The following VWA5B2 variants were observed in gnomAD, a reference collection of about 807,000 sequenced individuals.
VWA5B2 encodes von Willebrand factor A domain containing 5B2.
VWA5B2 carries 93 observed loss-of-function variants against 118.5 expected under a neutral mutation model. The ratio of observed to expected loss-of-function variants is 0.79; its 90% CI spans 0.66 to 0.93. The LOEUF (loss-of-function observed/expected upper bound fraction) is 0.93, where lower values mean the gene tolerates loss of function less well. Ranked by LOEUF, VWA5B2 falls within the 40% of genes least tolerant of loss-of-function variation. The pLI is 0.00. For missense variants in VWA5B2, 1,546 were observed against 1,672.8 expected (o/e 0.92, Z 1.32); for synonymous variants, 708 against 716.3 (o/e 0.99, Z 0.19).
At chr3:184,240,732 T>A in intron 16 of VWA5B2, 59 bp from the exon 17 acceptor site, 1 of 1,527,676 alleles carries the variant, frequency 6.5e-7, no homozygotes, top group Non-Finnish European at 8.8e-7. Flanking sequence ...ATTTTTTCTA[T>A]GAGCCCTCTG....
rs201206346 is a variant in VWA5B2 at position 184,239,797 on chromosome 3, C to A, written c.2501C>A (p.Pro834His). 9 of 1,547,050 alleles carry A rather than the reference C, an allele frequency of 5.8e-6. No homozygotes were observed. The highest frequency in any genetic ancestry group is 7.9e-6 in the Non-Finnish European group (9 of 1,143,722). Residue 834 changes from proline to histidine, a missense_variant, in exon 16 of 20, where the codon CCC becomes CAC. By Grantham distance (77) the Pro-to-His change is moderately conservative. Around this residue, in one of 3 missense-constraint regions of VWA5B2, gnomAD observed 763 missense variants for 766.6 expected, o/e 1.00. Transcript: ENST00000691901. The surrounding 1 kb of genome is among the most constrained non-coding windows in gnomAD (Gnocchi z 5.1). ...GAGTTGGCCCCTCCAGCAGTGCCTC[C>A]CCAGGCTCCACGCTGCCATGTGGTG... Reference protein sequence around the residue: ...SGELAPPAVPPQAPRCHVVIR... With the variant: ...SGELAPPAVPHQAPRCHVVIR...
In VWA5B2 at chr3:184,237,386, A is replaced by G. The variant is rs1200070382; in HGVS notation, c.1694A>G (p.Asp565Gly). Reference sequence around the variant, plus strand: ...GGTTACTGCTCACTCTTCAGGGTGGATGGCTTCCGGTCCCGCCCACCAGGG... The same window carrying G: ...GGTTACTGCTCACTCTTCAGGGTGGGTGGCTTCCGGTCCCGCCCACCAGGG... ...LLGYCSLFRV[D>G]GFRSRPPGGQ... Residue 565 changes from aspartate to glycine, a missense_variant, in exon 12 of 20, where the codon GAT becomes GGT. Coordinates refer to ENST00000691901, the MANE Select transcript of VWA5B2 (RefSeq NM_001390846.1). The surrounding 1 kb of genome is among the most constrained non-coding windows in gnomAD (Gnocchi z 5.6). 1 of 1,549,868 alleles carries G rather than the reference A, an allele frequency of 6.5e-7. No individual in the cohort carries two copies. Among genetic ancestry groups the G allele is most frequent in the Admixed American group, 2.0e-5 (1 of 50,964 alleles).
intron 9 of VWA5B2, 33 bp from the exon 10 acceptor site, chr3:184,236,310 C>CTGTA: frequency 6.4e-7 from 1 of 1,551,020 alleles, no homozygotes; most frequent in Non-Finnish European, 8.7e-7. Context: ...GGTTTCAGCC[C>CTGTA]AGTGCGTCCC....
In VWA5B2 at chr3:184,236,689, A is replaced by G; in HGVS notation, c.1473A>G (p.Leu491=). Residue 491 remains leucine, a synonymous_variant, in exon 11 of 20, where the codon TTA becomes TTG. Coordinates refer to ENST00000691901, the MANE Select transcript of VWA5B2 (RefSeq NM_001390846.1). ...GPTCHQLLQG[L]SALSRGQAYF... is the part of the protein sequence containing the mutation. ...CCTGCCACCAGCTGCTCCAGGGTTT[A>G]TCTGCCCTCAGCAGAGGCCAGGCCT... The G allele has an allele frequency of 6.4e-7, 1 of 1,551,278 alleles. No individual in the cohort carries two copies. The highest frequency in any genetic ancestry group is 8.7e-7 in the Non-Finnish European group (1 of 1,146,696).
Position 184,238,937 on chromosome 3 carries a change from CA to C in VWA5B2, c.2202+65del. ...AAATATTTATTTACCACCTGCTGTG[CA>C]CCAGATATTATGTAGAGTTTACTAT... On this transcript the variant is annotated intron_variant, in intron 14 of 19. Coordinates refer to ENST00000691901, the MANE Select transcript of VWA5B2 (RefSeq NM_001390846.1). This position sits in a 1 kb window ranked among gnomAD's most constrained non-coding sequence, Gnocchi z 5.0. 3 of 1,401,590 alleles carry C rather than the reference CA, an allele frequency of 2.1e-6. No individual in the cohort carries two copies. The East Asian group carries it at 7.6e-5, about 35-fold the overall frequency. The allele number at this position is 1,401,590 out of a possible 1,614,324, so 86.8% of individuals were successfully genotyped here.
chr3:184,234,428 T>C (rs1007375140), intron 6 of VWA5B2, 31 bp downstream of exon 6: 1 of 1,550,202 alleles, frequency 6.5e-7, no homozygotes, highest in Non-Finnish European at 8.7e-7. Flanking sequence ...GTGGGCCGGC[T>C]CTGACCTGCT....
In VWA5B2 at chr3:184,237,677, C is replaced by T. The variant is rs1272563824; in HGVS notation, c.1719+266C>T. Among the ~76,000 whole-genome samples, 2 of 152,182 alleles carry T rather than the reference C, an allele frequency of 1.3e-5. No individual in the cohort carries two copies. The highest frequency in any genetic ancestry group is 2.9e-5 in the Non-Finnish European group (2 of 68,030). On this transcript the variant is annotated intron_variant, in intron 12 of 19. Transcript: ENST00000691901. This position sits in a 1 kb window ranked among gnomAD's most constrained non-coding sequence, Gnocchi z 5.6. ...TACCCAAGGTCACTAAAGCACACAG[C>T]CACAGAAAACAGCACCTGCATTTGC...
chr3:184,233,447 T>C lies in VWA5B2; in HGVS notation c.530+50T>C, dbSNP rs976121331. Reference sequence around the variant, plus strand: ...GTCCCTCCCTCGGCTTCTCTGGGTCTAGTGCGGGTGAGGGGGCACTGGCAG... The same window carrying C: ...GTCCCTCCCTCGGCTTCTCTGGGTCCAGTGCGGGTGAGGGGGCACTGGCAG... On this transcript the variant is annotated intron_variant, in intron 4 of 19. Coordinates refer to ENST00000691901, the MANE Select transcript of VWA5B2 (RefSeq NM_001390846.1). This position sits in a 1 kb window ranked among gnomAD's most constrained non-coding sequence, Gnocchi z 5.2. The C allele has an allele frequency of 5.3e-5, 79 of 1,500,354 alleles. No individual in the cohort carries two copies. The highest frequency in any genetic ancestry group is 6.9e-5 in the Non-Finnish European group (78 of 1,122,804). 92.9% of individuals were successfully genotyped at this position (1,500,354 alleles called of 1,614,324 possible).
At position 184,234,700 on chromosome 3, in the gene VWA5B2, G is replaced by A. The variant is rs1259305772; in HGVS notation, c.890G>A (p.Arg297Lys). The A allele has an allele frequency of 6.4e-7, 1 of 1,551,376 alleles. No individual in the cohort carries two copies. The highest frequency in any genetic ancestry group is 2.0e-5 in the Admixed American group (1 of 51,008). Reference sequence around the variant, plus strand: ...TCAGCAGAATATGAGGCCCGGGTGAGGGCCCGCCGAGATTTTCAGAGGCTA... The same window carrying A: ...TCAGCAGAATATGAGGCCCGGGTGAAGGCCCGCCGAGATTTTCAGAGGCTA... Reference protein sequence around the residue: ...LSSAEYEARVRARRDFQRLQR... With the variant: ...LSSAEYEARVKARRDFQRLQR... The change falls in exon 7 of 20, where the codon AGG becomes AAG. Residue 297 changes from arginine to lysine, a missense_variant. By Grantham distance (26) the Arg-to-Lys change is conservative. Around this residue, in one of 3 missense-constraint regions of VWA5B2, gnomAD observed 775 missense variants for 882.3 expected, o/e 0.88. Coordinates refer to ENST00000691901, the MANE Select transcript of VWA5B2 (RefSeq NM_001390846.1).
chr3:184,235,770 C>T (rs34159084), intron 8 of VWA5B2, among the ~76,000 whole-genome samples: 19,650 of 121,428 alleles, frequency 0.16, 187 homozygotes, highest in African/African-American at 0.19. Flanking sequence ...CCACACACAG[C>T]CATGTACACC....
At chr3:184,231,651 C>T (rs1038956189) in intron 3 of VWA5B2, among the ~76,000 whole-genome samples, 4 of 152,244 alleles carry the variant, frequency 2.6e-5, no homozygotes, top group African/African-American at 9.6e-5. Context: ...ATCCCAGCAC[C>T]TCACACAGAA....
intron 5 of VWA5B2, 68 bp from the exon 6 acceptor site, chr3:184,234,198 G>C (rs1717713004): frequency 6.5e-7 from 1 of 1,528,002 alleles, no homozygotes; most frequent in African/African-American, 1.4e-5. Flanking sequence ...CATGACCCCT[G>C]CCAACATTTG....
At chr3:184,240,238 G>T (rs1037013673) in intron 16 of VWA5B2, among the ~76,000 whole-genome samples, 6 of 152,174 alleles carry the variant, frequency 3.9e-5, no homozygotes, top group Non-Finnish European at 5.9e-5. Context: ...TATATTAAAG[G>T]TGCATGCTGT....
intron 3 of VWA5B2, chr3:184,232,848 G>A (rs1717535040): frequency 8.2e-6 from 3 of 364,326 alleles, no homozygotes; most frequent in Admixed American, 4.5e-5. Context: ...AGGGTTGAAT[G>A]GAAAGAGGCA....
In VWA5B2 at chr3:184,236,201, A is replaced by C. The variant is rs1209912339; in HGVS notation, c.1151A>C (p.Asn384Thr). The C allele has an allele frequency of 7.1e-6, 11 of 1,551,714 alleles. No individual in the cohort carries two copies. The highest frequency in any genetic ancestry group is 9.6e-6 in the Non-Finnish European group (11 of 1,146,996). ...TCCCTCCCGCCCCAGACGCTTATCA[A>C]CCTGGCCGTGTTTGGGACGTTGGTG... is the stretch of plus-strand genomic sequence containing the variant. Reference protein sequence around the residue: ...VKSLPPQTLINLAVFGTLVQP... With the variant: ...VKSLPPQTLITLAVFGTLVQP... Residue 384 changes from asparagine (N) to threonine (T), a missense_variant, in exon 9 of 20, where the codon AAC (asparagine) becomes ACC (threonine). This residue lies in a region of VWA5B2 where 775 missense variants were observed against 882.3 expected (regional missense o/e 0.88). Coordinates refer to ENST00000691901, the MANE Select transcript of VWA5B2 (RefSeq NM_001390846.1).
At position 184,241,487 on chromosome 3, in the gene VWA5B2, C is replaced by A. The variant is rs906300047; in HGVS notation, c.3181-3C>A. On this transcript the variant is annotated splice_region_variant and splice_polypyrimidine_tract_variant and intron_variant, in intron 19 of 19. Transcript: ENST00000691901. This position sits in a 1 kb window ranked among gnomAD's most constrained non-coding sequence, Gnocchi z 5.1. Reference sequence around the variant, plus strand: ...CTTCTCCCCCCACCTCCTCTCTCCTCAGGTGCGGCTGCAGGAGGCACCAGG... The same window carrying A: ...CTTCTCCCCCCACCTCCTCTCTCCTAAGGTGCGGCTGCAGGAGGCACCAGG... 9 of 1,553,674 alleles carry A rather than the reference C, an allele frequency of 5.8e-6. No individual in the cohort carries two copies. The highest frequency in any genetic ancestry group is 1.7e-4 in the Middle Eastern group (1 of 6,000).
chr3:184,241,963 G>T lies in VWA5B2; in HGVS notation c.3654G>T (p.Gly1218=), dbSNP rs1479063727. 1.9e-6 allele frequency: 3 copies of T among 1,549,914 alleles called. No homozygotes were observed. The highest frequency in any genetic ancestry group is 1.7e-6 in the Non-Finnish European group (2 of 1,146,896). ...CCGCCCTCAAGGCCGCAGCCCGAGG[G>T]CTCTTCCTGCTACTGCGCCACTGGG... ...DLAALKAAAR[G]LFLLLRHWDQ... The change falls in exon 20 of 20, where the codon GGG becomes GGT. Residue 1218 remains glycine (G), a synonymous_variant. Transcript: ENST00000691901. The surrounding 1 kb of genome is among the most constrained non-coding windows in gnomAD (Gnocchi z 5.1).
chr3:184,239,669 C>T lies in VWA5B2; in HGVS notation c.2393-20C>T, dbSNP rs767379830. The T allele has an allele frequency of 6.8e-6, 10 of 1,467,130 alleles. No individual in the cohort carries two copies. The highest frequency in any genetic ancestry group is 1.4e-5 in the African/African-American group (1 of 70,640). 90.9% of individuals were successfully genotyped at this position (1,467,130 alleles called of 1,614,324 possible). A position where few individuals can be genotyped will look rare whatever the true frequency, so the allele number is the denominator to read the frequency against. On this transcript the variant is annotated intron_variant, in intron 15 of 19. Transcript: ENST00000691901. This position sits in a 1 kb window ranked among gnomAD's most constrained non-coding sequence, Gnocchi z 5.1. The stretch of plus-strand genomic sequence containing the variant: ...CCAGAGGACCACTCTGCCCATGCCC[C>T]TGCTGTCTTGCCTCCCCAGGAAACC...
rs1393136147 is a variant in VWA5B2, at chr3:184,237,583, T to C, written c.1719+172T>C. On this transcript the variant is annotated intron_variant, in intron 12 of 19. Transcript: ENST00000691901. The surrounding 1 kb of genome is among the most constrained non-coding windows in gnomAD (Gnocchi z 5.6). Reference sequence around the variant, plus strand: ...AGAGATCACACTGGGCCCCCTAAGATGACCACACCCTGTCCCCTTCATGGA... The same window carrying C: ...AGAGATCACACTGGGCCCCCTAAGACGACCACACCCTGTCCCCTTCATGGA... Among the ~76,000 whole-genome samples, 1 of 152,178 alleles carries C rather than the reference T, an allele frequency of 6.6e-6. No individual in the cohort carries two copies. The highest frequency in any genetic ancestry group is 1.5e-5 in the Non-Finnish European group (1 of 68,018).
Sources: gnomAD v4.1 joint callset for allele counts (sites outside exome capture counted in the v4.1 genomes callset) on GRCh38, gnomAD v4.1.1 for gene constraint, gnomAD v4.1.1 regional missense constraint, Gnocchi (gnomAD v3.1) non-coding constraint, MANE v1.5 for transcripts, NCBI Gene and HGNC (gene_info 2026-07-23, HGNC 2026-07-21) for gene names.